The following ADGRL3 variants were observed in gnomAD, a reference collection of about 807,000 sequenced individuals.
The protein encoded by ADGRL3 is adhesion G protein-coupled receptor L3, also known as calcium-independent alpha-latrotoxin receptor 3.
In ADGRL3, 62 loss-of-function variants were observed where a neutral mutation model predicts 153.5. That is an observed-to-expected ratio of 0.40 (90% CI 0.33 to 0.50). ADGRL3 has a LOEUF of 0.50. Among genes scored for constraint, ADGRL3 ranks in the 20% least tolerant of loss-of-function variants. The pLI is 0.47. For synonymous variants in ADGRL3, 710 were observed against 672.5 expected (o/e 1.06, Z -0.86); for missense variants, 1,641 against 1,859.4 (o/e 0.88, Z 2.16).
At position 61,954,586 on chromosome 4, in the gene ADGRL3, C is replaced by T. The variant is rs1200036366; in HGVS notation, c.2805+6310C>T. Among the ~76,000 whole-genome samples, 3 of 151,988 alleles carry T rather than the reference C, an allele frequency of 2.0e-5. No individual in the cohort carries two copies. In the East Asian group the frequency reaches 5.8e-4, roughly 29 times the overall value. ...GAGCAAAATCTCAAATCTTGGCCCG[C>T]ATTAGCATCTCTCGACATCCTCTCC... On this transcript the variant is annotated intron_variant, in intron 17 of 26. Coordinates refer to ENST00000683033, the MANE Select transcript of ADGRL3 (RefSeq NM_001387552.1).
intron 2 of ADGRL3, among the ~76,000 whole-genome samples, chr4:61,409,855 C>G (rs1468486588): frequency 6.6e-6 from 1 of 151,876 alleles, no homozygotes; most frequent in Non-Finnish European, 1.5e-5. Context: ...TTTTCAAATG[C>G]ATTTTTAATT....
intron 5 of ADGRL3, among the ~76,000 whole-genome samples, chr4:61,603,066 A>G (rs551423487): frequency 4.6e-5 from 7 of 152,266 alleles, no homozygotes; most frequent in African/African-American, 1.7e-4. Context: ...ATATTCGTAG[A>G]TTTTTACAGA....
intron 1 of ADGRL3, among the ~76,000 whole-genome samples, chr4:61,327,403 T>C (rs2095487935): frequency 6.6e-6 from 1 of 151,736 alleles, no homozygotes; most frequent in South Asian, 2.1e-4. Flanking sequence ...GTTTTCTTTT[T>C]CCATTTTAGA....
At chr4:61,522,369 C>T (rs1460454995) in intron 4 of ADGRL3, among the ~76,000 whole-genome samples, 3 of 152,108 alleles carry the variant, frequency 2.0e-5, no homozygotes, top group African/African-American at 7.2e-5. Flanking sequence ...TATTAAATAG[C>T]ATAACCCTTG....
intron 6 of ADGRL3, among the ~76,000 whole-genome samples, chr4:61,698,938 G>A (rs1300740590): frequency 6.6e-6 from 1 of 152,182 alleles, no homozygotes; most frequent in Non-Finnish European, 1.5e-5. Flanking sequence ...TGAAGCTTTA[G>A]CATCTCACTT....
intron 5 of ADGRL3, among the ~76,000 whole-genome samples, chr4:61,653,446 A>G (rs970800290): frequency 6.6e-6 from 1 of 152,186 alleles, no homozygotes; most frequent in Non-Finnish European, 1.5e-5. Context: ...AGGAGCCACA[A>G]CTATTCAGGA....
chr4:61,456,350 GAT>G (rs1165959667), intron 2 of ADGRL3, among the ~76,000 whole-genome samples: 1 of 141,138 alleles, frequency 7.1e-6, no homozygotes, highest in Non-Finnish European at 1.5e-5. Flanking sequence ...ATTTGAAGGA[GAT>G]ATATATAGAG....
intron 1 of ADGRL3, among the ~76,000 whole-genome samples, chr4:61,321,916 G>T (rs757419821): frequency 6.6e-6 from 1 of 152,104 alleles, no homozygotes; most frequent in Non-Finnish European, 1.5e-5. Flanking sequence ...ATAGTCATCA[G>T]GTTGTTACAT....
At chr4:61,235,094 G>T (rs1051959519) in intron 1 of ADGRL3, among the ~76,000 whole-genome samples, 1 of 152,068 alleles carries the variant, frequency 6.6e-6, no homozygotes, top group Non-Finnish European at 1.5e-5. Flanking sequence ...CTACTTTAAG[G>T]CTATAAGAAA....
intron 9 of ADGRL3, among the ~76,000 whole-genome samples, chr4:61,820,818 T>C (rs1175728112): frequency 6.6e-6 from 1 of 152,144 alleles, no homozygotes; most frequent in Non-Finnish European, 1.5e-5. Context: ...CTGAAGGTCA[T>C]ATGTCCCCAC....
intron 1 of ADGRL3, among the ~76,000 whole-genome samples, chr4:61,334,573 G>T (rs1314612718): frequency 6.6e-6 from 1 of 152,094 alleles, no homozygotes; most frequent in Non-Finnish European, 1.5e-5. Flanking sequence ...ACTGTGATCA[G>T]TTCCCACAGG....
intron 2 of ADGRL3, among the ~76,000 whole-genome samples, chr4:61,465,764 T>TATATAG (rs898569627): frequency 3.4e-5 from 5 of 145,706 alleles, no homozygotes; most frequent in Non-Finnish European, 7.5e-5. Context: ...TATAAATATA[T>TATATAG]ATATATATAT....
intron 1 of ADGRL3, among the ~76,000 whole-genome samples, chr4:61,265,252 G>A (rs776696240): frequency 2.6e-5 from 4 of 151,834 alleles, no homozygotes; most frequent in Non-Finnish European, 5.9e-5. Flanking sequence ...TTAATACTGG[G>A]TTTCAATACG....
intron 9 of ADGRL3, among the ~76,000 whole-genome samples, chr4:61,869,902 C>T (rs1398610360): frequency 1.9e-5 from 2 of 107,396 alleles, no homozygotes; most frequent in Non-Finnish European, 3.7e-5. Context: ...CATGCCATTG[C>T]ACTCCAGCCT....
At chr4:62,053,572 A>G (rs915518013) in intron 25 of ADGRL3, among the ~76,000 whole-genome samples, 6 of 151,600 alleles carry the variant, frequency 4.0e-5, no homozygotes, top group African/African-American at 1.2e-4. Flanking sequence ...TTGAGAGGAT[A>G]TATAGATAGA....
intron 2 of ADGRL3, among the ~76,000 whole-genome samples, chr4:61,454,324 A>G (rs1274548371): frequency 2.0e-5 from 3 of 152,090 alleles, no homozygotes; most frequent in Non-Finnish European, 4.4e-5. Context: ...TTGATTATTG[A>G]CTTTTTTGTT....
intron 1 of ADGRL3, among the ~76,000 whole-genome samples, chr4:61,312,876 A>C (rs185848935): frequency 6.6e-6 from 1 of 152,286 alleles, no homozygotes. Context: ...CTTGATATTT[A>C]CCCAAATGAA....
At chr4:61,908,688 CTTTTTA>C (rs1172183885) in intron 11 of ADGRL3, among the ~76,000 whole-genome samples, 2 of 151,180 alleles carry the variant, frequency 1.3e-5, no homozygotes, top group African/African-American at 4.9e-5. Context: ...ACTTTGTACA[CTTTTTA>C]TTTATTTAGT....
At chr4:61,656,197 A>G (rs1412214854) in intron 5 of ADGRL3, among the ~76,000 whole-genome samples, 1 of 152,170 alleles carries the variant, frequency 6.6e-6, no homozygotes, top group Admixed American at 6.5e-5. Context: ...ATGCTTCTTA[A>G]TGCTATCTTT....
Sources: allele counts gnomAD v4.1 joint callset (sites outside exome capture counted in the v4.1 genomes callset), GRCh38; gene constraint gnomAD v4.1.1; transcripts MANE v1.5; gene names NCBI Gene and HGNC (gene_info 2026-07-23, HGNC 2026-07-21).